The following UNC13B variants were observed in gnomAD, a reference collection of about 807,000 sequenced individuals.
The protein encoded by UNC13B is protein unc-13 homolog B.
Under a neutral mutation model 211.0 loss-of-function variants are expected in UNC13B, and 144 were observed. That is an observed-to-expected ratio of 0.68 (90% confidence interval 0.60 to 0.78). The LOEUF is 0.78. Ranked by LOEUF, UNC13B falls within the 30% of genes least tolerant of loss-of-function variation. The pLI is 0.00. For missense variants in UNC13B, 1,777 were observed against 2,002.0 expected (o/e 0.89, Z 2.14); for synonymous variants, 709 against 725.8 (o/e 0.98, Z 0.37).
intron 5 of UNC13B, among the ~76,000 whole-genome samples, chr9:35,242,354 T>C (rs1295006652): frequency 6.6e-6 from 1 of 152,174 alleles, no homozygotes. Flanking sequence ...AGTTCACTAG[T>C]GTTAAGTACA....
At chr9:35,363,711 A>G (rs1024493190) in intron 11 of UNC13B, among the ~76,000 whole-genome samples, 2 of 152,232 alleles carry the variant, frequency 1.3e-5, no homozygotes, top group Non-Finnish European at 2.9e-5. Flanking sequence ...GGGCCTATCC[A>G]TGTATGGCCT....
chr9:35,191,363 G>A (rs1822651288), intron 1 of UNC13B, among the ~76,000 whole-genome samples: 1 of 152,140 alleles, frequency 6.6e-6, no homozygotes. Flanking sequence ...TTTGTTTTTA[G>A]CCCCTAAGCT....
At chr9:35,204,436 A>C (rs936744026) in intron 1 of UNC13B, among the ~76,000 whole-genome samples, 4 of 152,160 alleles carry the variant, frequency 2.6e-5, no homozygotes, top group African/African-American at 9.7e-5. Flanking sequence ...TCCATTGGCA[A>C]CTTGCACACT....
chr9:35,228,748 G>GTGTT (rs1386154435), intron 2 of UNC13B, among the ~76,000 whole-genome samples: 2 of 125,094 alleles, frequency 1.6e-5, no homozygotes, highest in Non-Finnish European at 3.5e-5. Flanking sequence ...GTGTGTGTGT[G>GTGTT]TATGTGTGTG....
At position 35,304,968 on chromosome 9, in the gene UNC13B, T is replaced by C; in HGVS notation, c.5564T>C (p.Leu1855Ser). 1 of 398,904 alleles carries C rather than the reference T, an allele frequency of 2.5e-6. No individual in the cohort carries two copies. Among genetic ancestry groups the C allele is most frequent in the Non-Finnish European group, 4.4e-6 (1 of 225,986 alleles). The allele number at this position is 398,904 out of a possible 1,614,324, so 24.7% of individuals were successfully genotyped here. ...AACCATGTGAAAAAGCAAAGTTTGT[T>C]AAAATCTGGTTTCCAGGTAAGCCAA... ...KNNHVKKQSL[L>S]KSGFQVSQTT... The change falls in exon 9 of 40, where the codon TTA becomes TCA. Residue 1855 changes from leucine (L) to serine (S), a missense_variant. Transcript: ENST00000635942.
rs1044538317 is a variant in UNC13B, at chr9:35,306,018, A to G, written c.6614A>G (p.Lys2205Arg). The stretch of plus-strand genomic sequence containing the variant: ...TCCACTGCTAGCTCAAGCATTAAGA[A>G]GGATGCCTCTCATAGTAGTTCTACT... ...FFSTASSSIK[K>R]DASHSSSTFS... The change falls in exon 9 of 40, where the codon AAG (lysine) becomes AGG (arginine). Residue 2205 changes from lysine (K) to arginine (R), a missense_variant. Physicochemically the swap from Lys to Arg is conservative, Grantham distance 26. Transcript: ENST00000635942. The G allele has an allele frequency of 1.3e-5, 5 of 398,928 alleles. No individual in the cohort carries two copies. Among genetic ancestry groups the G allele is most frequent in the African/African-American group, 8.2e-5 (4 of 48,650 alleles). The allele number at this position is 398,928 out of a possible 1,614,324, so 24.7% of individuals were successfully genotyped here.
chr9:35,376,083 C>T lies in UNC13B; in HGVS notation c.9671C>T (p.Thr3224Ile). ...LQALIYPISC[T>I]TPHNFEVWTA... ...GCCTTAATCTACCCCATTTCGTGCA[C>T]CACTCCTCATAACTTTGAGGTCTGG... The change falls in exon 15 of 40, where the codon ACC becomes ATC. Residue 3224 changes from threonine (T) to isoleucine (I), a missense_variant. Thr to Ile is a moderately conservative substitution (Grantham distance 89). Transcript: ENST00000635942. 6.2e-7 allele frequency: 1 copy of T among 1,614,272 alleles called. No homozygotes were observed. The highest frequency in any genetic ancestry group is 8.5e-7 in the Non-Finnish European group (1 of 1,180,046).
chr9:35,328,953 A>G (rs1271496737), intron 11 of UNC13B, among the ~76,000 whole-genome samples: 1 of 151,146 alleles, frequency 6.6e-6, no homozygotes, highest in Non-Finnish European at 1.5e-5. Context: ...TTGTATTTTT[A>G]GTAGAGATGG....
chr9:35,377,381 C>A (rs2132229726), intron 15 of UNC13B, 87 bp from the exon 16 acceptor site: 2 of 1,371,554 alleles, frequency 1.5e-6, no homozygotes, highest in South Asian at 1.4e-5. Flanking sequence ...ATAGTTTCTC[C>A]ACTGCTCTGC....
At chr9:35,251,951 A>C (rs1826518539) in intron 6 of UNC13B, among the ~76,000 whole-genome samples, 1 of 152,158 alleles carries the variant, frequency 6.6e-6, no homozygotes, top group Non-Finnish European at 1.5e-5. Context: ...TTGGCCTCCC[A>C]AAGTGCTGAG....
chr9:35,319,816 T>C (rs952286767), intron 11 of UNC13B, among the ~76,000 whole-genome samples: 2 of 151,952 alleles, frequency 1.3e-5, no homozygotes, highest in African/African-American at 4.8e-5. Context: ...GTGCCACTTA[T>C]GCCCAGCAAA....
In UNC13B at chr9:35,398,867, C is replaced by T. The variant is rs781120366; in HGVS notation, c.11922-15C>T. ...GTTTGGGGAGGGAAAGGCTACACTGCGGGCACATGTGTAGTTTCCAGGTAC... is the reference window on the plus strand; with the variant it reads ...GTTTGGGGAGGGAAAGGCTACACTGTGGGCACATGTGTAGTTTCCAGGTAC... On this transcript the variant is annotated splice_polypyrimidine_tract_variant and intron_variant, in intron 32 of 39. Transcript: ENST00000635942. 8.7e-6 allele frequency: 14 copies of T among 1,609,114 alleles called. No homozygotes were observed. The highest frequency in any genetic ancestry group is 6.6e-5 in the South Asian group (6 of 90,492).
chr9:35,285,464 A>G (rs1587541243), intron 7 of UNC13B, among the ~76,000 whole-genome samples: 1 of 152,310 alleles, frequency 6.6e-6, no homozygotes, highest in East Asian at 1.9e-4. Flanking sequence ...CACTCCTGTA[A>G]TCCCAGCACT....
rs753188025 is a variant in UNC13B, at chr9:35,381,705, A to G, written c.10641A>G (p.Ile3547Met). 7.2e-5 allele frequency: 117 copies of G among 1,614,014 alleles called. No individual in the cohort carries two copies. Among genetic ancestry groups the G allele is most frequent in the Non-Finnish European group, 9.4e-5 (111 of 1,179,978 alleles). The change falls in exon 20 of 40, where the codon ATA becomes ATG. Residue 3547 changes from isoleucine (I) to methionine (M), a missense_variant. Coordinates refer to ENST00000635942, the MANE Select transcript of UNC13B (RefSeq NM_001371189.2). The stretch of plus-strand genomic sequence containing the variant: ...CCATGCGTTATGGCATTGAGTCCAT[A>G]TATCAGGCCATGACGTGAGTCTCTG... Reference protein sequence around the residue: ...EFAMRYGIESIYQAMTHFACL... With the variant: ...EFAMRYGIESMYQAMTHFACL...
At chr9:35,313,354 G>C (rs1214996773) in intron 10 of UNC13B, among the ~76,000 whole-genome samples, 1 of 152,168 alleles carries the variant, frequency 6.6e-6, no homozygotes, top group African/African-American at 2.4e-5. Context: ...ATGAGGCGCA[G>C]TGGCTCACGC....
intron 7 of UNC13B, among the ~76,000 whole-genome samples, chr9:35,286,115 T>G (rs1045196069): frequency 6.6e-6 from 1 of 152,092 alleles, no homozygotes; most frequent in Non-Finnish European, 1.5e-5. Flanking sequence ...CCTAATCTCT[T>G]AGAATTTTAT....
At chr9:35,398,803 T>C in intron 32 of UNC13B, 79 bp from the exon 33 acceptor site, 1 of 1,580,372 alleles carries the variant, frequency 6.3e-7, no homozygotes, top group Non-Finnish European at 8.6e-7. Flanking sequence ...CATATGGGAA[T>C]GGGACCAAAT....
chr9:35,388,915 G>T (rs1835352806), intron 24 of UNC13B, among the ~76,000 whole-genome samples: 1 of 152,214 alleles, frequency 6.6e-6, no homozygotes, highest in Admixed American at 6.5e-5. Flanking sequence ...ATCCTTGAAT[G>T]ATAAGAGCCT....
chr9:35,202,301 T>C (rs1409360536), intron 1 of UNC13B, among the ~76,000 whole-genome samples: 1 of 152,156 alleles, frequency 6.6e-6, no homozygotes, highest in Non-Finnish European at 1.5e-5. Flanking sequence ...GTGCTGAAAA[T>C]AATGTATGTT....
Sources: allele counts gnomAD v4.1 joint callset (sites outside exome capture counted in the v4.1 genomes callset), GRCh38; gene constraint gnomAD v4.1.1; transcripts MANE v1.5; gene names NCBI Gene and HGNC (gene_info 2026-07-23, HGNC 2026-07-21).